The following XRCC6 variants were observed in gnomAD, a reference collection of about 807,000 sequenced individuals.
XRCC6 encodes the protein DNA repair protein Ku70.
XRCC6 carries 5 observed loss-of-function variants against 65.7 expected under a neutral mutation model. The ratio of observed to expected loss-of-function variants is 0.08; its 90% CI spans 0.04 to 0.16. The LOEUF is 0.16. Ranked by LOEUF, XRCC6 falls within the 10% of genes least tolerant of loss-of-function variation. The pLI is 1.00. For missense variants in XRCC6, 447 were observed against 738.1 expected, an observed-to-expected ratio of 0.61 and a Z score of 4.57; for synonymous variants, 270 against 270.6, an observed-to-expected ratio of 1.00 and a Z score of 0.02.
chr22:41,629,777 C>T (rs1352546295), intron 3 of XRCC6, among the ~76,000 whole-genome samples: 1 of 152,034 alleles, frequency 6.6e-6, no homozygotes, highest in Non-Finnish European at 1.5e-5. Flanking sequence ...TCATGCCATT[C>T]TCCTACCTTA....
intron 8 of XRCC6, among the ~76,000 whole-genome samples, chr22:41,651,361 A>ATTTTTTTTT (rs764795746): frequency 8.0e-5 from 4 of 49,758 alleles, no homozygotes; most frequent in African/African-American, 1.9e-4. Context: ...AGTTAAACAG[A>ATTTTTTTTT]TTTTTTTTTT....
intron 3 of XRCC6, among the ~76,000 whole-genome samples, chr22:41,629,022 G>A (rs1259763039): frequency 3.1e-5 from 4 of 130,778 alleles, no homozygotes; most frequent in Non-Finnish European, 6.5e-5. Context: ...TGTCCAACAA[G>A]CACAGGAAAA....
chr22:41,653,458 C>A, intron 8 of XRCC6, 71 bp from the exon 9 acceptor site: 1 of 1,424,912 alleles, frequency 7.0e-7, no homozygotes, highest in Non-Finnish European at 9.5e-7. Context: ...GGAAGAGAAA[C>A]TTTAGGGCTA....
chr22:41,662,096 T>A (rs1410793400), intron 12 of XRCC6, among the ~76,000 whole-genome samples: 1 of 151,960 alleles, frequency 6.6e-6, no homozygotes, highest in African/African-American at 2.4e-5. Flanking sequence ...CATTGTGGGG[T>A]TGGTGGGGAT....
chr22:41,643,019 A>G (rs962019767), intron 6 of XRCC6, among the ~76,000 whole-genome samples: 6 of 152,238 alleles, frequency 3.9e-5, no homozygotes, highest in Admixed American at 1.3e-4. Context: ...TCTTCGAACT[A>G]TACAGACACT....
chr22:41,650,765 G>A lies in XRCC6; in HGVS notation c.1003G>A (p.Glu335Lys). The change falls in exon 8 of 13, where the codon GAA becomes AAA. Residue 335 changes from glutamate to lysine, a missense_variant. Transcript: ENST00000360079. Reference sequence around the variant, plus strand: ...GATTATACTGGAGAAAGAGGAAACAGAAGAGCTAAAACGGTTTGATGATCC... The same window carrying A: ...GATTATACTGGAGAAAGAGGAAACAAAAGAGCTAAAACGGTTTGATGATCC... ...RQIILEKEET[E>K]ELKRFDDPGL... 6.2e-7 allele frequency: 1 copy of A among 1,613,862 alleles called. No homozygotes were observed. Among genetic ancestry groups the A allele is most frequent in the Non-Finnish European group, 8.5e-7 (1 of 1,179,856 alleles).
chr22:41,622,965 A>G (rs1322748056), intron 2 of XRCC6, among the ~76,000 whole-genome samples: 6 of 151,910 alleles, frequency 3.9e-5, no homozygotes, highest in Non-Finnish European at 8.8e-5. Flanking sequence ...AAAGTGAGAA[A>G]CATAGGAAAT....
intron 6 of XRCC6, among the ~76,000 whole-genome samples, chr22:41,642,534 T>C (rs1297618176): frequency 1.3e-5 from 2 of 152,228 alleles, no homozygotes; most frequent in African/African-American, 4.8e-5. Context: ...CCAAGCTCAA[T>C]GTGCTGGAGA....
chr22:41,647,545 C>T (rs1220349151), intron 7 of XRCC6, among the ~76,000 whole-genome samples: 2 of 149,104 alleles, frequency 1.3e-5, no homozygotes, highest in East Asian at 2.0e-4. Flanking sequence ...CACGCCATTG[C>T]GCTCCAGCCT....
intron 3 of XRCC6, among the ~76,000 whole-genome samples, chr22:41,631,934 T>C (rs1004273816): frequency 3.3e-5 from 5 of 152,138 alleles, no homozygotes; most frequent in East Asian, 1.9e-4. Context: ...GAGACCAGCC[T>C]GGCCAACACA....
intron 12 of XRCC6, chr22:41,661,714 G>A (rs901056890): frequency 5.1e-6 from 2 of 388,810 alleles, no homozygotes; most frequent in Non-Finnish European, 9.4e-6. Flanking sequence ...GCTACCATAT[G>A]ATCCAGCATA....
intron 3 of XRCC6, among the ~76,000 whole-genome samples, chr22:41,629,654 AT>A (rs2067717959): frequency 6.6e-6 from 1 of 151,900 alleles, no homozygotes; most frequent in Non-Finnish European, 1.5e-5. Flanking sequence ...TTGTGTGTGT[AT>A]TTATTTATTT....
intron 2 of XRCC6, among the ~76,000 whole-genome samples, chr22:41,622,429 T>TTCCAG: frequency 6.6e-6 from 1 of 152,162 alleles, no homozygotes; most frequent in Non-Finnish European, 1.5e-5. Context: ...AGTGTAAAAA[T>TTCCAG]GCCCCCACCC....
At chr22:41,635,657 T>G (rs2067801568) in intron 3 of XRCC6, among the ~76,000 whole-genome samples, 1 of 152,136 alleles carries the variant, frequency 6.6e-6, no homozygotes, top group South Asian at 2.1e-4. Flanking sequence ...CTTTCACCTC[T>G]GCTTCCCAAG....
intron 6 of XRCC6, 82 bp downstream of exon 6, chr22:41,637,873 C>G: frequency 6.9e-7 from 1 of 1,452,538 alleles, no homozygotes; most frequent in Admixed American, 2.4e-5. Context: ...ACCTGTAATC[C>G]CAACAGTTTG....
At chr22:41,624,415 G>A (rs958475611) in intron 2 of XRCC6, among the ~76,000 whole-genome samples, 2 of 151,560 alleles carry the variant, frequency 1.3e-5, no homozygotes, top group South Asian at 4.2e-4. Flanking sequence ...GGCCGGGCGC[G>A]GTGGCTCACC....
At chr22:41,652,604 A>G (rs2147108388) in intron 8 of XRCC6, among the ~76,000 whole-genome samples, 1 of 152,166 alleles carries the variant, frequency 6.6e-6, no homozygotes, top group African/African-American at 2.4e-5. Flanking sequence ...GGGCTTAAGC[A>G]ATCTACCTGT....
intron 6 of XRCC6, among the ~76,000 whole-genome samples, chr22:41,640,830 G>A (rs2067867710): frequency 6.6e-6 from 1 of 152,182 alleles, no homozygotes; most frequent in East Asian, 1.9e-4. Context: ...GGAGATGGAT[G>A]GGGAGGATAG....
intron 3 of XRCC6, among the ~76,000 whole-genome samples, chr22:41,632,073 C>G (rs1355210875): frequency 6.6e-6 from 1 of 151,768 alleles, no homozygotes; most frequent in Non-Finnish European, 1.5e-5. Context: ...GCCGAGATGG[C>G]AGCAGTACAG....
Sources: allele counts gnomAD v4.1 joint callset (sites outside exome capture counted in the v4.1 genomes callset), GRCh38; gene constraint gnomAD v4.1.1; transcripts MANE v1.5; gene names NCBI Gene and HGNC (gene_info 2026-07-23, HGNC 2026-07-21).